The following SEMA5B variants were observed in gnomAD, a reference collection of about 807,000 sequenced individuals.
SEMA5B encodes the protein semaphorin-5B.
A neutral mutation model predicts 135.0 loss-of-function variants in SEMA5B; 66 were observed. That is an observed-to-expected ratio of 0.49 (90% CI 0.40 to 0.60). The LOEUF (loss-of-function observed/expected upper bound fraction) is 0.60, where lower values mean the gene tolerates loss of function less well. SEMA5B is among the 20% of genes least tolerant of loss of function. The probability of loss-of-function intolerance (pLI) is 0.00; values close to 1 mark genes in which losing one functional copy is unlikely to be tolerated. For missense variants in SEMA5B, 1,501 were observed against 1,566.3 expected, an observed-to-expected ratio of 0.96 and a Z score of 0.70; for synonymous variants, 690 against 639.5, an observed-to-expected ratio of 1.08 and a Z score of -1.19.
chr3:122,922,598 G>C, intron 10 of SEMA5B, 151 bp from the exon 11 acceptor site: 1 of 703,248 alleles, frequency 1.4e-6, no homozygotes, highest in Non-Finnish European at 2.4e-6. Flanking sequence ...TGGGCGTCCT[G>C]CACCCTTTCC....
intron 1 of SEMA5B, among the ~76,000 whole-genome samples, chr3:123,004,993 C>T (rs1942270825): frequency 6.6e-6 from 1 of 152,196 alleles, no homozygotes; most frequent in Admixed American, 6.5e-5. Context: ...AGAACCAGGG[C>T]CTGGTGGAAC....
rs78449024 is a variant in SEMA5B, at chr3:122,987,691, T to G, written c.-38-26390A>C. 9.3e-3 allele frequency among the ~76,000 whole-genome samples: 1,422 copies of G among 152,188 alleles called. 23 individuals carry two copies. The highest frequency in any genetic ancestry group is 0.084 in the East Asian group (434 of 5,170). On this transcript the variant is annotated intron_variant, in intron 1 of 22. Transcript: ENST00000357599. The stretch of plus-strand genomic sequence containing the variant: ...GCTATGGACGGACGCCCTGTATTGG[T>G]CACTGGATTGCACACATACCTCTGC...
intron 1 of SEMA5B, among the ~76,000 whole-genome samples, chr3:122,994,557 G>A (rs1423930307): frequency 6.6e-6 from 1 of 152,186 alleles, no homozygotes; most frequent in Non-Finnish European, 1.5e-5. Flanking sequence ...AACAGTGAGG[G>A]ATTTGGTACT....
intron 21 of SEMA5B, chr3:122,911,290 G>A (rs996949724): frequency 3.8e-5 from 55 of 1,435,104 alleles, no homozygotes; most frequent in Non-Finnish European, 5.0e-5. Context: ...ACTCTTCCTT[G>A]GGTACAGACT....
intron 2 of SEMA5B, 134 bp downstream of exon 2, chr3:122,961,006 A>C: frequency 1.4e-5 from 13 of 900,860 alleles, no homozygotes; most frequent in Non-Finnish European, 2.1e-5. Context: ...TTAAAAAGGA[A>C]GAGCTGCTCA....
intron 1 of SEMA5B, among the ~76,000 whole-genome samples, chr3:122,980,045 A>G (rs972053156): frequency 2.0e-5 from 3 of 152,228 alleles, no homozygotes; most frequent in Non-Finnish European, 4.4e-5. Context: ...GGACTCTGCT[A>G]CTGACATCCC....
intron 18 of SEMA5B, 89 bp downstream of exon 18, chr3:122,912,754 G>C: frequency 7.8e-7 from 1 of 1,276,406 alleles, no homozygotes; most frequent in Non-Finnish European, 1.1e-6. Context: ...CCTGGGCATT[G>C]GGGTTCCTGG....
intron 3 of SEMA5B, among the ~76,000 whole-genome samples, chr3:122,946,263 C>T (rs961578985): frequency 6.6e-6 from 1 of 152,160 alleles, no homozygotes; most frequent in Middle Eastern, 3.2e-3. Context: ...AGAAACACAG[C>T]TTGGCCCCCC....
At chr3:123,024,272 T>C (rs1942752261) in intron 1 of SEMA5B, among the ~76,000 whole-genome samples, 1 of 152,190 alleles carries the variant, frequency 6.6e-6, no homozygotes, top group Non-Finnish European at 1.5e-5. Context: ...CATCCATAAA[T>C]GTCTGCTGTT....
intron 3 of SEMA5B, 107 bp from the exon 4 acceptor site, chr3:122,943,642 G>C: frequency 1.3e-6 from 1 of 790,760 alleles, no homozygotes; most frequent in Non-Finnish European, 2.1e-6. Context: ...GAAGTGGGGC[G>C]GTGGCACCCG....
chr3:122,987,575 C>T (rs2107704668), intron 1 of SEMA5B, among the ~76,000 whole-genome samples: 1 of 152,326 alleles, frequency 6.6e-6, no homozygotes, highest in South Asian at 2.1e-4. Context: ...TCATGAAAAT[C>T]ACTGAGGCAC....
chr3:122,919,456 G>A (rs890820863), intron 12 of SEMA5B, among the ~76,000 whole-genome samples: 5 of 152,180 alleles, frequency 3.3e-5, no homozygotes, highest in African/African-American at 1.2e-4. Context: ...TCTCCTGAGT[G>A]AAAAGAGGCA....
At chr3:122,921,089 A>G (rs2107635095) in intron 12 of SEMA5B, among the ~76,000 whole-genome samples, 1 of 152,246 alleles carries the variant, frequency 6.6e-6, no homozygotes, top group Admixed American at 6.5e-5. Flanking sequence ...GCTGAAGAAC[A>G]GCCCTGTATC....
Position 122,911,973 on chromosome 3 carries a change from G to A in SEMA5B, c.2993C>T (p.Ala998Val). 6.2e-7 allele frequency: 1 copy of A among 1,613,040 alleles called. No homozygotes were observed. The highest frequency in any genetic ancestry group is 8.5e-7 in the Non-Finnish European group (1 of 1,179,510). The change falls in exon 20 of 23, where the codon GCC becomes GTC. Residue 998 changes from alanine (A) to valine (V), a missense_variant. By Grantham distance (64) the Ala-to-Val change is moderately conservative. This residue lies in a region of SEMA5B where 927 missense variants were observed against 881.6 expected (regional missense o/e 1.05). Coordinates refer to ENST00000357599, the MANE Select transcript of SEMA5B (RefSeq NM_001031702.4). Reference protein sequence around the residue: ...HCEELLPGSSACAGNSSQSRP... With the variant: ...HCEELLPGSSVCAGNSSQSRP... ...GCTCTGGCTGCTGTTTCCAGCACAGGCGCTGGACCCTGGGAGGAGCTCCTC... is the reference window on the plus strand; with the variant it reads ...GCTCTGGCTGCTGTTTCCAGCACAGACGCTGGACCCTGGGAGGAGCTCCTC...
chr3:122,963,701 G>A (rs569365811), intron 1 of SEMA5B, among the ~76,000 whole-genome samples: 3 of 152,244 alleles, frequency 2.0e-5, no homozygotes, highest in East Asian at 3.9e-4. Flanking sequence ...ATCGGGAGGA[G>A]CAGAACATTT....
At chr3:122,967,894 C>T (rs1363491275) in intron 1 of SEMA5B, among the ~76,000 whole-genome samples, 1 of 152,232 alleles carries the variant, frequency 6.6e-6, no homozygotes, top group African/African-American at 2.4e-5. Flanking sequence ...GCTCTGCAGA[C>T]TTCTCTTTTG....
In SEMA5B at chr3:122,913,594, C is replaced by T. The variant is rs200580771; in HGVS notation, c.2220G>A (p.Gly740=). The change falls in exon 16 of 23, where the codon GGG becomes GGA. Residue 740 remains glycine (G), a synonymous_variant. Coordinates refer to ENST00000357599, the MANE Select transcript of SEMA5B (RefSeq NM_001031702.4). ...AGGCCCGACGCCGCGACTGCATGCC[C>T]CCTCCACAGTTGCTGCTGCACTTGC... ...SWSKCSSNCG[G]GMQSRRRACE... 4 of 1,613,414 alleles carry T rather than the reference C, an allele frequency of 2.5e-6. No individual in the cohort carries two copies. Among genetic ancestry groups the T allele is most frequent in the Non-Finnish European group, 3.4e-6 (4 of 1,179,956 alleles).
rs1215507127 is a variant in SEMA5B at position 122,928,986 on chromosome 3, G to T, written c.537+10C>A. 7 of 1,611,706 alleles carry T rather than the reference G, an allele frequency of 4.3e-6. No homozygotes were observed. Among genetic ancestry groups the T allele is most frequent in the Non-Finnish European group, 5.9e-6 (7 of 1,180,006 alleles). The stretch of plus-strand genomic sequence containing the variant: ...CCAGGTGGGGCCCCTGGACCGCCGA[G>T]ACCACGTACCTCAGTCTTCCCTTTG... On this transcript the variant is annotated intron_variant, in intron 6 of 22. Transcript: ENST00000357599.
intron 9 of SEMA5B, 128 bp from the exon 10 acceptor site, chr3:122,923,880 TG>T: frequency 8.7e-6 from 6 of 689,054 alleles, no homozygotes; most frequent in Non-Finnish European, 1.4e-5. Context: ...GTCTGGCACA[TG>T]GGGGGATCTC....
Sources: allele counts gnomAD v4.1 joint callset (sites outside exome capture counted in the v4.1 genomes callset), GRCh38; gene constraint gnomAD v4.1.1; regional missense constraint gnomAD v4.1.1; transcripts MANE v1.5; gene names NCBI Gene and HGNC (gene_info 2026-07-23, HGNC 2026-07-21).